Variants in FAM227B observed in about 807,000 individuals in gnomAD.
FAM227B encodes family with sequence similarity 227 member B.
FAM227B carries 88 observed loss-of-function variants against 73.8 expected under a neutral mutation model. The ratio of observed to expected loss-of-function variants is 1.19; its 90% CI spans 1.00 to 1.42. The LOEUF (loss-of-function observed/expected upper bound fraction) is 1.42. FAM227B is among the 40% of genes most tolerant of loss of function. FAM227B has a pLI of 0.00. For synonymous variants in FAM227B, 210 were observed against 190.5 expected (o/e 1.10, Z -0.84); for missense variants, 632 against 590.9 (o/e 1.07, Z -0.72).
intron 13 of FAM227B, among the ~76,000 whole-genome samples, chr15:49,366,952 C>A (rs2151450596): frequency 6.6e-6 from 1 of 152,240 alleles, no homozygotes; most frequent in Admixed American, 6.5e-5. Context: ...CTGGGCCCTA[C>A]CCCTGCTTCA....
At chr15:49,568,515 T>C (rs1002954284) in intron 8 of FAM227B, among the ~76,000 whole-genome samples, 169 bp from the exon 9 acceptor site, 3 of 152,020 alleles carry the variant, frequency 2.0e-5, no homozygotes, top group South Asian at 4.1e-4. Flanking sequence ...CTGTTATGCA[T>C]TGGCTGTATT....
At position 49,609,827 on chromosome 15, in the gene FAM227B, A is replaced by G. The variant is rs749895456; in HGVS notation, c.105+1388T>C. Reference sequence around the variant, plus strand: ...ACAGAATATGGGTATTTGGTTGGGAAATTCAGAAAATATGAAAAGATTTAC... The same window carrying G: ...ACAGAATATGGGTATTTGGTTGGGAGATTCAGAAAATATGAAAAGATTTAC... On this transcript the variant is annotated intron_variant, in intron 3 of 15. Coordinates refer to ENST00000299338, the MANE Select transcript of FAM227B (RefSeq NM_152647.3). Among the ~76,000 whole-genome samples the G allele has an allele frequency of 9.9e-5, 15 of 151,984 alleles. 1 individual carries two copies. The highest frequency in any genetic ancestry group is 2.0e-4 in the Admixed American group (3 of 15,268).
At chr15:49,617,864 A>C (rs1452855453) in intron 1 of FAM227B, among the ~76,000 whole-genome samples, 1 of 152,076 alleles carries the variant, frequency 6.6e-6, no homozygotes, top group Non-Finnish European at 1.5e-5. Context: ...CAAAAAAAAC[A>C]CAAAATATCA....
chr15:49,355,826 AG>A (rs879744637), intron 13 of FAM227B, among the ~76,000 whole-genome samples: 8 of 152,194 alleles, frequency 5.3e-5, no homozygotes, highest in Admixed American at 1.3e-4. Flanking sequence ...AAAAATGTTA[AG>A]GGCAGCTAGA....
At chr15:49,502,607 T>C (rs1401839021) in intron 11 of FAM227B, among the ~76,000 whole-genome samples, 3 of 152,242 alleles carry the variant, frequency 2.0e-5, no homozygotes, top group East Asian at 3.9e-4. Context: ...TACAGGCTCA[T>C]AGGCGGAAGA....
In FAM227B at chr15:49,361,495, G is replaced by A. The variant is rs373057731; in HGVS notation, c.1271+5953C>T. ...CTCCTACTTATTAGTGAGAACATGT[G>A]GTTTTAGTTTTCTGTCCCTGCATTA... On this transcript the variant is annotated intron_variant, in intron 13 of 15. Transcript: ENST00000299338. Among the ~76,000 whole-genome samples the A allele has an allele frequency of 2.8e-4, 42 of 152,090 alleles. 1 individual carries two copies. Among genetic ancestry groups the A allele is most frequent in the African/African-American group, 9.4e-4 (39 of 41,396 alleles).
intron 11 of FAM227B, among the ~76,000 whole-genome samples, chr15:49,410,900 G>C (rs372881708): frequency 6.7e-6 from 1 of 150,236 alleles, no homozygotes; most frequent in East Asian, 2.0e-4. Flanking sequence ...ATTAATATAA[G>C]AATGACCTAA....
chr15:49,465,706 G>C (rs2054209304), intron 11 of FAM227B, among the ~76,000 whole-genome samples: 2 of 152,026 alleles, frequency 1.3e-5, no homozygotes, highest in Admixed American at 1.3e-4. Context: ...ATTAACCAAG[G>C]AATTTTGTGC....
rs142959985 is a variant in FAM227B, at chr15:49,578,888, T to C, written c.406-1224A>G. On this transcript the variant is annotated intron_variant, in intron 5 of 15. Coordinates refer to ENST00000299338, the MANE Select transcript of FAM227B (RefSeq NM_152647.3). Reference sequence around the variant, plus strand: ...ACACAACCTTTGTAATGGGAGAAAATATTTGCAAACCATCTATTTAACAAG... The same window carrying C: ...ACACAACCTTTGTAATGGGAGAAAACATTTGCAAACCATCTATTTAACAAG... Among the ~76,000 whole-genome samples the C allele has an allele frequency of 2.2e-4, 34 of 152,196 alleles. No individual in the cohort carries two copies. The East Asian group carries it at 4.2e-3, about 19-fold the overall frequency.
chr15:49,369,730 A>G (rs1293129360), intron 12 of FAM227B, among the ~76,000 whole-genome samples: 4 of 152,164 alleles, frequency 2.6e-5, no homozygotes, highest in South Asian at 4.1e-4. Context: ...GCTGAAATCT[A>G]TATCCCTGTA....
chr15:49,382,746 A>G (rs1487532989), intron 11 of FAM227B, among the ~76,000 whole-genome samples: 2 of 152,090 alleles, frequency 1.3e-5, no homozygotes, highest in African/African-American at 4.8e-5. Flanking sequence ...GAAGATTCCC[A>G]GCTAGCTATT....
intron 14 of FAM227B, among the ~76,000 whole-genome samples, chr15:49,333,917 C>G (rs2039252083): frequency 6.6e-6 from 1 of 151,960 alleles, no homozygotes; most frequent in South Asian, 2.1e-4. Context: ...AAAAAACTAG[C>G]CCAATAGAGA....
Position 49,619,287 on chromosome 15 carries a change from CTA to C in FAM227B, c.-73+1411_-73+1412del, listed in dbSNP as rs1291765760. On this transcript the variant is annotated intron_variant, in intron 1 of 15. Coordinates refer to ENST00000299338, the MANE Select transcript of FAM227B (RefSeq NM_152647.3). ...TTGCCAATCCTTTGAGAAGAGGGATCTATGTCTCCTTTCCTAAAATGGAACAG... is the reference window on the plus strand; with the variant it reads ...TTGCCAATCCTTTGAGAAGAGGGATCTGTCTCCTTTCCTAAAATGGAACAG... Among the ~76,000 whole-genome samples the C allele has an allele frequency of 4.6e-5, 7 of 152,272 alleles. No homozygotes were observed. In the East Asian group the frequency reaches 7.7e-4, roughly 17 times the overall value.
intron 11 of FAM227B, chr15:49,485,556 A>G (rs530204047): frequency 6.6e-6 from 1 of 152,600 alleles, no homozygotes; most frequent in South Asian, 2.1e-4. Context: ...CTCAACGGCA[A>G]GTTTCCCTCC....
intron 11 of FAM227B, among the ~76,000 whole-genome samples, chr15:49,502,419 A>G (rs143167784): frequency 0.017 from 2,535 of 152,344 alleles, 33 homozygotes; most frequent in Middle Eastern, 0.037. Flanking sequence ...TGTGGGACAT[A>G]AAGTCAAAGG....
intron 9 of FAM227B, among the ~76,000 whole-genome samples, chr15:49,552,535 G>A (rs556029844): frequency 1.5e-3 from 235 of 152,188 alleles, no homozygotes; most frequent in African/African-American, 5.4e-3. Context: ...TTAGGTTTAA[G>A]GAAATTGCCT....
chr15:49,477,951 G>T (rs1009586980), intron 11 of FAM227B, among the ~76,000 whole-genome samples: 1 of 151,962 alleles, frequency 6.6e-6, no homozygotes, highest in African/African-American at 2.4e-5. Flanking sequence ...TTAGATTCAG[G>T]GGGTACATGT....
At chr15:49,530,946 CA>C (rs2060561836) in intron 10 of FAM227B, among the ~76,000 whole-genome samples, 2 of 151,576 alleles carry the variant, frequency 1.3e-5, no homozygotes, top group Admixed American at 1.3e-4. Flanking sequence ...ATCCTATTTC[CA>C]ACAGAGAATA....
chr15:49,394,172 C>T (rs2047408820), intron 11 of FAM227B, among the ~76,000 whole-genome samples: 1 of 152,018 alleles, frequency 6.6e-6, no homozygotes, highest in African/African-American at 2.4e-5. Context: ...AAGCTTTCCC[C>T]CCAGCTGTAA....
Sources: allele counts gnomAD v4.1 joint callset (sites outside exome capture counted in the v4.1 genomes callset), GRCh38; gene constraint gnomAD v4.1.1; transcripts MANE v1.5; gene names NCBI Gene and HGNC (gene_info 2026-07-23, HGNC 2026-07-21).